Variants in PPP2R5E observed in about 807,000 individuals in gnomAD.
The protein encoded by PPP2R5E is serine/threonine-protein phosphatase 2A 56 kDa regulatory subunit epsilon isoform.
A neutral mutation model predicts 65.3 loss-of-function variants in PPP2R5E; 4 were observed. That is an observed-to-expected ratio of 0.06 (90% CI 0.03 to 0.14). The LOEUF (loss-of-function observed/expected upper bound fraction) is 0.14, where lower values mean the gene tolerates loss of function less well. PPP2R5E is among the 10% of genes least tolerant of loss of function. The pLI, the probability that PPP2R5E is intolerant of heterozygous loss-of-function variation, is 1.00. For synonymous variants in PPP2R5E, 183 were observed against 187.4 expected (o/e 0.98, Z 0.19); for missense variants, 274 against 556.1 (o/e 0.49, Z 5.10).
At chr14:63,498,642 C>T (rs922784788) in intron 2 of PPP2R5E, among the ~76,000 whole-genome samples, 4 of 151,946 alleles carry the variant, frequency 2.6e-5, no homozygotes, top group Admixed American at 6.6e-5. Context: ...ACTGCAGCCG[C>T]GACTTCCCCA....
rs913506705 is a variant in PPP2R5E at position 63,478,353 on chromosome 14, T to G, written c.158-24468A>C. 2.0e-4 allele frequency among the ~76,000 whole-genome samples: 30 copies of G among 152,218 alleles called. 1 individual carries two copies. The highest frequency in any genetic ancestry group is 7.0e-4 in the African/African-American group (29 of 41,466). On this transcript the variant is annotated intron_variant, in intron 2 of 13. Coordinates refer to ENST00000337537, the MANE Select transcript of PPP2R5E (RefSeq NM_006246.5). ...TCTACCAATATTTACCACATTAAAA[T>G]TAAAAATGGGAAAATTTTTAATATT...
intron 2 of PPP2R5E, among the ~76,000 whole-genome samples, chr14:63,460,437 ACTAAC>A (rs766862949): frequency 2.0e-5 from 3 of 152,172 alleles, no homozygotes; most frequent in Non-Finnish European, 2.9e-5. Context: ...AATAACAGCA[ACTAAC>A]CCCCATTAGA....
chr14:63,379,537 G>A (rs907912516), intron 13 of PPP2R5E, among the ~76,000 whole-genome samples: 1 of 152,200 alleles, frequency 6.6e-6, no homozygotes, highest in Admixed American at 6.5e-5. Context: ...CTCCCAAAGT[G>A]CTGCGATTAC....
rs112043158 is a variant in PPP2R5E at position 63,426,579 on chromosome 14, T to C, written c.355-4485A>G. On this transcript the variant is annotated intron_variant, in intron 3 of 13. Transcript: ENST00000337537. ...AGTCCTAAAGCATACGTTAAAGATA[T>C]ACACTGTGAGTTACACCTTCCATTG... is the stretch of plus-strand genomic sequence containing the variant. Among the ~76,000 whole-genome samples, 1,253 of 151,648 alleles carry C rather than the reference T, an allele frequency of 8.3e-3. 27 individuals carry two copies. The highest frequency in any genetic ancestry group is 0.029 in the African/African-American group (1,194 of 41,384).
intron 2 of PPP2R5E, among the ~76,000 whole-genome samples, chr14:63,523,311 T>C (rs1893042238): frequency 6.6e-6 from 1 of 151,992 alleles, no homozygotes; most frequent in Non-Finnish European, 1.5e-5. Context: ...ATGGTTGCCG[T>C]GTTTGTGTAG....
chr14:63,537,851 A>C (rs771015730), intron 2 of PPP2R5E, among the ~76,000 whole-genome samples: 10 of 152,302 alleles, frequency 6.6e-5, no homozygotes, highest in South Asian at 2.1e-4. Flanking sequence ...TCAAAGGTAA[A>C]TTCTGATAGT....
At chr14:63,383,807 CTTCCT>C (rs1318149083) in intron 12 of PPP2R5E, among the ~76,000 whole-genome samples, 1 of 152,092 alleles carries the variant, frequency 6.6e-6, no homozygotes, top group Non-Finnish European at 1.5e-5. Context: ...TTTTAAACTC[CTTCCT>C]TTCCAAGAGA....
chr14:63,474,673 CAAAAAAAAAAAAAA>C (rs1157357885), intron 2 of PPP2R5E, among the ~76,000 whole-genome samples: 5 of 27,730 alleles, frequency 1.8e-4, no homozygotes, highest in South Asian at 4.1e-3. Context: ...TACCCCATCT[CAAAAAAAAAAAAAA>C]AAAAAAAAAA....
chr14:63,465,459 A>AAG (rs1211611734), intron 2 of PPP2R5E, among the ~76,000 whole-genome samples: 3 of 126,410 alleles, frequency 2.4e-5, no homozygotes, highest in African/African-American at 1.1e-4. Flanking sequence ...ACAAAAAAAA[A>AAG]AAAAAAAAAA....
At chr14:63,380,851 C>T (rs1884314777) in intron 13 of PPP2R5E, among the ~76,000 whole-genome samples, 1 of 152,050 alleles carries the variant, frequency 6.6e-6, no homozygotes. Flanking sequence ...ACAAAAAAAT[C>T]ATTGCAATGG....
At chr14:63,474,879 A>AAC (rs1890329507) in intron 2 of PPP2R5E, among the ~76,000 whole-genome samples, 4 of 152,154 alleles carry the variant, frequency 2.6e-5, no homozygotes, top group Non-Finnish European at 5.9e-5. Context: ...GAAGAAACCC[A>AAC]ACACTTACAA....
At chr14:63,531,592 CT>C (rs1224791962) in intron 2 of PPP2R5E, among the ~76,000 whole-genome samples, 2 of 152,098 alleles carry the variant, frequency 1.3e-5, no homozygotes, top group African/African-American at 4.8e-5. Context: ...TAAAACTGAA[CT>C]TTAACATCTA....
chr14:63,471,998 T>C (rs1272219235), intron 2 of PPP2R5E, among the ~76,000 whole-genome samples: 2 of 152,130 alleles, frequency 1.3e-5, no homozygotes, highest in Admixed American at 6.5e-5. Context: ...TTATTTCTGT[T>C]AATATTTAAA....
At chr14:63,502,526 G>T (rs1891939651) in intron 2 of PPP2R5E, among the ~76,000 whole-genome samples, 1 of 151,976 alleles carries the variant, frequency 6.6e-6, no homozygotes, top group Admixed American at 6.6e-5. Context: ...AATTAGCCAG[G>T]CATGGTGGTG....
intron 10 of PPP2R5E, 41 bp from the exon 11 acceptor site, chr14:63,389,772 GA>G (rs777502372): frequency 1.7e-5 from 25 of 1,509,574 alleles, no homozygotes; most frequent in South Asian, 8.0e-5. Context: ...GGCACATCAT[GA>G]AAAAAAATCC....
chr14:63,487,300 TGATATA>T (rs1386303897), intron 2 of PPP2R5E, among the ~76,000 whole-genome samples: 1 of 152,212 alleles, frequency 6.6e-6, no homozygotes. Flanking sequence ...AAGAGAAATG[TGATATA>T]GTCCAGTAGG....
intron 3 of PPP2R5E, among the ~76,000 whole-genome samples, chr14:63,427,793 G>A (rs1398809043): frequency 6.6e-6 from 1 of 152,084 alleles, no homozygotes; most frequent in Admixed American, 6.5e-5. Context: ...ATCAGATCAG[G>A]TTAGAAATTA....
chr14:63,501,169 G>A, intron 2 of PPP2R5E, among the ~76,000 whole-genome samples: 1 of 152,118 alleles, frequency 6.6e-6, no homozygotes, highest in Non-Finnish European at 1.5e-5. Flanking sequence ...GGAGGCCGAG[G>A]CGGGCAGATC....
At chr14:63,460,554 C>T (rs530200124) in intron 2 of PPP2R5E, among the ~76,000 whole-genome samples, 17 of 152,240 alleles carry the variant, frequency 1.1e-4, no homozygotes, top group South Asian at 4.1e-4. Flanking sequence ...CAAATATTCA[C>T]GTTTTAAAAC....
Sources: allele counts gnomAD v4.1 joint callset (sites outside exome capture counted in the v4.1 genomes callset), GRCh38; gene constraint gnomAD v4.1.1; transcripts MANE v1.5; gene names NCBI Gene and HGNC (gene_info 2026-07-23, HGNC 2026-07-21).